Variants in GPC6 observed in about 807,000 individuals in gnomAD.
GPC6 encodes the protein glypican 6, also known as glypican-6.
GPC6 carries 14 observed loss-of-function variants against 55.2 expected under a neutral mutation model. That is an observed-to-expected ratio of 0.25 (90% confidence interval 0.17 to 0.40). The LOEUF is 0.40. GPC6 is among the 10% of genes least tolerant of loss of function. The pLI, the probability that GPC6 is intolerant of heterozygous loss-of-function variation, is 1.00. For missense variants in GPC6, 641 were observed against 708.5 expected, an observed-to-expected ratio of 0.90 and a Z score of 1.08; for synonymous variants, 278 against 259.6, an observed-to-expected ratio of 1.07 and a Z score of -0.68.
chr13:93,895,311 C>T (rs1566591096), intron 3 of GPC6, among the ~76,000 whole-genome samples: 1 of 134,552 alleles, frequency 7.4e-6, no homozygotes, highest in Non-Finnish European at 1.6e-5. Context: ...TAGTATGAAC[C>T]CTGCATGAAT....
At chr13:94,389,130 C>T (rs1880534746) in intron 7 of GPC6, among the ~76,000 whole-genome samples, 1 of 152,118 alleles carries the variant, frequency 6.6e-6, no homozygotes, top group African/African-American at 2.4e-5. Flanking sequence ...TCTGACTCCA[C>T]TCAGACAAAT....
At chr13:93,401,689 CTTT>C (rs4001853) in intron 1 of GPC6, among the ~76,000 whole-genome samples, 10,300 of 64,636 alleles carry the variant, frequency 0.16, 600 homozygotes, top group African/African-American at 0.17. Context: ...CATGAATGGA[CTTT>C]TTTTTTTTTT....
At chr13:94,177,830 A>G (rs935525360) in intron 4 of GPC6, among the ~76,000 whole-genome samples, 2 of 152,168 alleles carry the variant, frequency 1.3e-5, no homozygotes, top group East Asian at 3.8e-4. Flanking sequence ...ATAATAAACC[A>G]CATGACCAAG....
chr13:94,261,944 G>C (rs963421721), intron 4 of GPC6, among the ~76,000 whole-genome samples: 43 of 152,190 alleles, frequency 2.8e-4, no homozygotes, highest in Admixed American at 8.5e-4. Flanking sequence ...AGATTTTCAA[G>C]TTGTTTTTAA....
chr13:94,182,256 A>G (rs1179287138), intron 4 of GPC6, among the ~76,000 whole-genome samples: 1 of 152,048 alleles, frequency 6.6e-6, no homozygotes, highest in Non-Finnish European at 1.5e-5. Context: ...TTACAAAATC[A>G]GAAACTGATT....
intron 1 of GPC6, among the ~76,000 whole-genome samples, chr13:93,511,673 G>C (rs920443791): frequency 2.6e-5 from 4 of 151,890 alleles, no homozygotes; most frequent in African/African-American, 9.7e-5. Context: ...GGTTCCATAT[G>C]AATTTTAGGA....
chr13:93,895,218 A>ATGTGTGTGTGTGTGTG (rs1299548089), intron 3 of GPC6, among the ~76,000 whole-genome samples: 2 of 60,444 alleles, frequency 3.3e-5, no homozygotes, highest in Admixed American at 2.1e-4. Flanking sequence ...GTGTGTGTGT[A>ATGTGTGTGTGTGTGTG]TGTATGTGTG....
At chr13:94,306,345 C>T (rs947856021) in intron 6 of GPC6, 26 of 631,946 alleles carry the variant, frequency 4.1e-5, no homozygotes, top group Non-Finnish European at 6.8e-5. Context: ...ACTATTAATG[C>T]ATGTATGCAG....
intron 1 of GPC6, among the ~76,000 whole-genome samples, chr13:93,326,048 G>T (rs1879641361): frequency 6.6e-6 from 1 of 152,100 alleles, no homozygotes; most frequent in Non-Finnish European, 1.5e-5. Flanking sequence ...CAGCTTCCAG[G>T]TCTCTGTTTA....
chr13:93,248,817 C>T (rs1347800834), intron 1 of GPC6, among the ~76,000 whole-genome samples: 1 of 152,180 alleles, frequency 6.6e-6, no homozygotes, highest in Non-Finnish European at 1.5e-5. Flanking sequence ...CGGCTCATGA[C>T]AGAAGCTGTT....
intron 2 of GPC6, among the ~76,000 whole-genome samples, chr13:93,613,310 T>A (rs73543515): frequency 0.1 from 15,369 of 152,140 alleles, 2,633 homozygotes; most frequent in African/African-American, 0.35. Flanking sequence ...ACCTGAAACT[T>A]GGCTAAGTGA....
intron 4 of GPC6, among the ~76,000 whole-genome samples, chr13:94,030,868 C>T (rs899032023): frequency 1.3e-5 from 2 of 152,122 alleles, no homozygotes; most frequent in African/African-American, 4.8e-5. Flanking sequence ...TTTACAATGC[C>T]ACAAATTAAT....
intron 4 of GPC6, among the ~76,000 whole-genome samples, chr13:94,078,789 G>T (rs1324664945): frequency 6.6e-6 from 1 of 151,870 alleles, no homozygotes; most frequent in Non-Finnish European, 1.5e-5. Context: ...TGACCAGATG[G>T]CCTCATTGGT....
At chr13:94,065,886 C>A (rs1347672595) in intron 4 of GPC6, among the ~76,000 whole-genome samples, 2 of 152,178 alleles carry the variant, frequency 1.3e-5, no homozygotes, top group Non-Finnish European at 2.9e-5. Context: ...GGCTGAGTAT[C>A]CTTCAGTCTT....
intron 4 of GPC6, among the ~76,000 whole-genome samples, chr13:94,102,013 A>G (rs1277423537): frequency 1.3e-5 from 2 of 152,138 alleles, no homozygotes; most frequent in Non-Finnish European, 2.9e-5. Flanking sequence ...TTTAAAATCT[A>G]CTTTTTAAAA....
At chr13:94,345,298 C>CTAAT (rs1317232667) in intron 6 of GPC6, among the ~76,000 whole-genome samples, 1 of 152,098 alleles carries the variant, frequency 6.6e-6, no homozygotes, top group Non-Finnish European at 1.5e-5. Context: ...GTAATAGTAT[C>CTAAT]TAATACAGGG....
chr13:93,540,702 C>T (rs532183642), intron 1 of GPC6, among the ~76,000 whole-genome samples: 24 of 152,268 alleles, frequency 1.6e-4, no homozygotes, highest in Middle Eastern at 6.8e-3. Context: ...TCAATATCCT[C>T]TTTCTAGCAT....
intron 1 of GPC6, among the ~76,000 whole-genome samples, chr13:93,292,174 C>T (rs908033745): frequency 2.6e-5 from 4 of 152,084 alleles, no homozygotes; most frequent in African/African-American, 9.7e-5. Flanking sequence ...TATTGTATTT[C>T]AAAGTTTGTG....
chr13:93,519,455 C>G (rs1309411534), intron 1 of GPC6, among the ~76,000 whole-genome samples: 1 of 151,990 alleles, frequency 6.6e-6, no homozygotes, highest in African/African-American at 2.4e-5. Flanking sequence ...GATAGAAACA[C>G]TAAACAAAAT....
Sources: gnomAD v4.1 joint callset for allele counts (sites outside exome capture counted in the v4.1 genomes callset) on GRCh38, gnomAD v4.1.1 for gene constraint, MANE v1.5 for transcripts, NCBI Gene and HGNC (gene_info 2026-07-23, HGNC 2026-07-21) for gene names.